The following NHS variants were observed in gnomAD, a reference collection of about 807,000 sequenced individuals.
The protein encoded by NHS is NHS actin remodeling regulator, also known as actin remodeling regulator NHS.
Under a neutral mutation model 72.5 loss-of-function variants are expected in NHS, and 5 were observed. The observed-to-expected ratio is 0.07, with a 90% CI of 0.04 to 0.14. The LOEUF is 0.14. Among genes scored for constraint, NHS ranks in the 10% least tolerant of loss-of-function variants. The probability of loss-of-function intolerance (pLI) is 1.00; values close to 1 mark genes in which losing one functional copy is unlikely to be tolerated. For synonymous variants in NHS, 464 were observed against 547.7 expected, an observed-to-expected ratio of 0.85 and a Z score of 2.13; for missense variants, 1,072 against 1,355.7, an observed-to-expected ratio of 0.79 and a Z score of 3.29.
At chrX:17,564,768 A>G (rs1231983161) in intron 1 of NHS, among the ~76,000 whole-genome samples, 1 of 111,743 alleles carries the variant, frequency 8.9e-6, no homozygotes, top group East Asian at 2.8e-4. Context: ...CACCAACTTT[A>G]GGAGATATGT....
At chrX:17,393,699 A>G (rs762314693) in intron 1 of NHS, among the ~76,000 whole-genome samples, 1 of 111,484 alleles carries the variant, frequency 9.0e-6, no homozygotes, top group Non-Finnish European at 1.9e-5. Flanking sequence ...AAGTGCCCCT[A>G]CTATCAAGGT....
chrX:17,379,665 C>T (rs1159993957), intron 1 of NHS, among the ~76,000 whole-genome samples: 1 of 111,436 alleles, frequency 9.0e-6, no homozygotes, highest in Admixed American at 9.5e-5. Flanking sequence ...ATCCCAGCTA[C>T]TTGGGAGGCT....
At chrX:17,608,519 A>T (rs1417429456) in intron 1 of NHS, among the ~76,000 whole-genome samples, 1 of 112,040 alleles carries the variant, frequency 8.9e-6, no homozygotes, top group Non-Finnish European at 1.9e-5. Flanking sequence ...ATATTGTAGC[A>T]TCCTACCAAT....
At chrX:17,731,287 G>T (rs72616048) in intron 8 of NHS, among the ~76,000 whole-genome samples, 1 of 93,145 alleles carries the variant, frequency 1.1e-5, no homozygotes, top group South Asian at 6.2e-4. Flanking sequence ...CAGGCTGCTG[G>T]AGTGCAATGG....
At chrX:17,631,268 C>T (rs780190483) in intron 1 of NHS, among the ~76,000 whole-genome samples, 2 of 112,047 alleles carry the variant, frequency 1.8e-5, no homozygotes, top group African/African-American at 6.5e-5. Context: ...ACTTTTGAGA[C>T]ATCAAGTTAC....
chrX:17,718,881 AG>A (rs1309890374), intron 3 of NHS, among the ~76,000 whole-genome samples: 2 of 94,343 alleles, frequency 2.1e-5, no homozygotes, highest in Non-Finnish European at 2.1e-5. Context: ...AGAAGGAAGG[AG>A]GAAGTAAGGA....
intron 3 of NHS, among the ~76,000 whole-genome samples, chrX:17,704,577 C>T (rs2066285150): frequency 9.0e-6 from 1 of 111,402 alleles, no homozygotes; most frequent in Non-Finnish European, 1.9e-5. Flanking sequence ...GGATTACAGG[C>T]GTGAGCCGCC....
intron 1 of NHS, among the ~76,000 whole-genome samples, chrX:17,458,645 A>G (rs1016923680): frequency 1.8e-5 from 2 of 110,469 alleles, no homozygotes; most frequent in Non-Finnish European, 3.8e-5. Context: ...GGTGCCTGCC[A>G]CCATGCCCAG....
At chrX:17,708,393 C>T (rs1249014983) in intron 3 of NHS, among the ~76,000 whole-genome samples, 8 of 111,837 alleles carry the variant, frequency 7.2e-5, no homozygotes, top group Admixed American at 6.7e-4. Context: ...CCTGTACTCT[C>T]GAAACAATAT....
intron 1 of NHS, among the ~76,000 whole-genome samples, chrX:17,430,596 A>G (rs1471262813): frequency 1.8e-5 from 2 of 110,670 alleles, no homozygotes; most frequent in Non-Finnish European, 1.9e-5. Flanking sequence ...ACAGTTGTGT[A>G]GCCATTACTA....
chrX:17,402,068 A>G (rs752051250), intron 1 of NHS, among the ~76,000 whole-genome samples: 21 of 112,193 alleles, frequency 1.9e-4, no homozygotes, highest in Non-Finnish European at 3.0e-4. Context: ...AAATGGCCAT[A>G]AGCACATGAA....
intron 1 of NHS, among the ~76,000 whole-genome samples, chrX:17,510,318 G>A (rs956751006): frequency 4.5e-5 from 5 of 111,944 alleles, no homozygotes; most frequent in African/African-American, 6.5e-5. Flanking sequence ...CCCTTGGAGG[G>A]CTGAGCCCAC....
intron 1 of NHS, among the ~76,000 whole-genome samples, chrX:17,457,273 A>G (rs990400115): frequency 1.8e-5 from 2 of 111,845 alleles, no homozygotes; most frequent in Non-Finnish European, 3.8e-5. Context: ...TAATTTATAA[A>G]GAGAAGAGGT....
intron 1 of NHS, among the ~76,000 whole-genome samples, chrX:17,482,046 C>G (rs989030615): frequency 8.9e-6 from 1 of 112,187 alleles, no homozygotes; most frequent in Non-Finnish European, 1.9e-5. Context: ...GCTTCTGTTA[C>G]CTACCACCTG....
intron 1 of NHS, among the ~76,000 whole-genome samples, chrX:17,378,144 ATG>A (rs200415834): frequency 0.012 from 1,371 of 110,890 alleles, 23 homozygotes; most frequent in African/African-American, 0.043. Context: ...CCAGAGCAGA[ATG>A]TGCCCACTTC....
intron 1 of NHS, among the ~76,000 whole-genome samples, chrX:17,643,291 T>C (rs1271657686): frequency 8.9e-6 from 1 of 111,774 alleles, no homozygotes; most frequent in Non-Finnish European, 1.9e-5. Context: ...TTTCTTTCTT[T>C]CTTTCTTTTT....
In NHS at chrX:17,633,156, A is replaced by G. The variant is rs188278889; in HGVS notation, c.566-54586A>G. Among the ~76,000 whole-genome samples, 234 of 111,874 alleles carry G rather than the reference A, an allele frequency of 2.1e-3. 3 individuals carry two copies. The Admixed American group carries it at 0.022, about 10-fold the overall frequency. ...AGTGGTGTCCTAAAGCAAAACAAGA[A>G]TGAGTAATAATCTACTCCTCATACT... On this transcript the variant is annotated intron_variant, in intron 1 of 8. Transcript: ENST00000676302.
intron 1 of NHS, among the ~76,000 whole-genome samples, chrX:17,542,036 T>A (rs1342038892): frequency 8.9e-6 from 1 of 112,045 alleles, no homozygotes; most frequent in Non-Finnish European, 1.9e-5. Flanking sequence ...AGAGAAAACA[T>A]TGAAAAACAA....
intron 1 of NHS, among the ~76,000 whole-genome samples, chrX:17,452,907 C>T (rs1268698479): frequency 9.0e-6 from 1 of 111,671 alleles, no homozygotes; most frequent in African/African-American, 3.3e-5. Context: ...AGGCCACTGA[C>T]CTGGAAAGTT....
Sources: gnomAD v4.1 joint callset for allele counts (sites outside exome capture counted in the v4.1 genomes callset) on GRCh38, gnomAD v4.1.1 for gene constraint, MANE v1.5 for transcripts, NCBI Gene and HGNC (gene_info 2026-07-23, HGNC 2026-07-21) for gene names.